Variants in MID1 observed in about 807,000 individuals in gnomAD.
MID1 encodes the protein midline 1.
A neutral mutation model predicts 40.4 loss-of-function variants in MID1; 7 were observed. The observed-to-expected ratio is 0.17, with a 90% CI of 0.10 to 0.33. MID1 has a LOEUF of 0.33. Among genes scored for constraint, MID1 ranks in the 10% least tolerant of loss-of-function variants. The pLI is 1.00. For synonymous variants in MID1, 229 were observed against 221.2 expected, an observed-to-expected ratio of 1.04 and a Z score of -0.31; for missense variants, 367 against 558.5, an observed-to-expected ratio of 0.66 and a Z score of 3.46.
intron 8 of MID1, among the ~76,000 whole-genome samples, chrX:10,456,835 T>C (rs1017596501): frequency 2.7e-5 from 3 of 110,298 alleles, no homozygotes; most frequent in African/African-American, 1.0e-4. Context: ...AGGCACTGTC[T>C]CAAAAAAATA....
intron 1 of MID1, among the ~76,000 whole-genome samples, chrX:10,772,389 A>G (rs771251752): frequency 6.8e-4 from 75 of 109,680 alleles, no homozygotes; most frequent in African/African-American, 2.5e-3. Context: ...GAATGACACA[A>G]TGGACTTTGG....
At chrX:10,512,740 A>G (rs1055390860) in intron 3 of MID1, among the ~76,000 whole-genome samples, 2 of 112,365 alleles carry the variant, frequency 1.8e-5, no homozygotes, top group Non-Finnish European at 3.8e-5. Flanking sequence ...CTCAATACCA[A>G]GCTTGCCTTG....
At chrX:10,739,151 G>A (rs1214421291) in intron 1 of MID1, among the ~76,000 whole-genome samples, 2 of 111,629 alleles carry the variant, frequency 1.8e-5, no homozygotes, top group South Asian at 3.7e-4. Flanking sequence ...TCAATTGGTT[G>A]AATAAATTTG....
At chrX:10,508,854 A>G (rs184889342) in intron 3 of MID1, among the ~76,000 whole-genome samples, 122 of 111,899 alleles carry the variant, frequency 1.1e-3, no homozygotes, top group African/African-American at 4.0e-3. Context: ...GGCCATTTGC[A>G]GAGAGCTAGC....
chrX:10,601,870 A>G (rs770272871), intron 1 of MID1, among the ~76,000 whole-genome samples: 138 of 109,158 alleles, frequency 1.3e-3, no homozygotes, highest in Non-Finnish European at 2.1e-3. Flanking sequence ...GGCGAAATGG[A>G]ATTGGAGTTT....
At chrX:10,497,962 GAC>G (rs1569069792) in intron 3 of MID1, among the ~76,000 whole-genome samples, 1 of 112,483 alleles carries the variant, frequency 8.9e-6, no homozygotes, top group African/African-American at 3.2e-5. Context: ...TCCAAGAAGA[GAC>G]AGGGCAAAAA....
At chrX:10,572,697 C>A (rs1332259199) in intron 1 of MID1, among the ~76,000 whole-genome samples, 1 of 110,889 alleles carries the variant, frequency 9.0e-6, no homozygotes, top group African/African-American at 3.3e-5. Context: ...ATCACACATG[C>A]ATATTGTTGT....
In MID1 at chrX:10,659,371, C is replaced by T. The variant is rs140941497; in HGVS notation, c.-186-38952G>A. On this transcript the variant is annotated intron_variant, in intron 1 of 10. Coordinates refer to the MID1 transcript ENST00000380785. ...TAAGGGATGGCTACTTCCCAGAAAT[C>T]AACGAAGGGGAACAGATGAGGAAAG... Among the ~76,000 whole-genome samples, 21 of 111,368 alleles carry T rather than the reference C, an allele frequency of 1.9e-4. No individual in the cohort carries two copies. In the East Asian group the frequency reaches 5.9e-3, roughly 32 times the overall value.
chrX:10,689,044 C>T (rs775838585), intron 1 of MID1, among the ~76,000 whole-genome samples: 19 of 109,056 alleles, frequency 1.7e-4, no homozygotes, highest in Non-Finnish European at 3.2e-4. Context: ...AATGTGTGCC[C>T]CATTTGACAG....
intron 1 of MID1, among the ~76,000 whole-genome samples, chrX:10,642,532 G>A (rs1936211383): frequency 9.1e-6 from 1 of 110,075 alleles, no homozygotes; most frequent in Admixed American, 9.6e-5. Context: ...ACAAATGGAA[G>A]AACATTCCAT....
chrX:10,783,929 T>G (rs746082281), intron 1 of MID1, among the ~76,000 whole-genome samples: 97 of 111,102 alleles, frequency 8.7e-4, no homozygotes, highest in Non-Finnish European at 1.8e-3. Flanking sequence ...AAGATATTCT[T>G]GCTGATATAA....
intron 1 of MID1, among the ~76,000 whole-genome samples, chrX:10,717,356 CA>C (rs1278964876): frequency 1.0e-5 from 1 of 100,465 alleles, no homozygotes; most frequent in Non-Finnish European, 2.0e-5. Flanking sequence ...GAAGATCTAC[CA>C]AGCAAATGGA....
intron 1 of MID1, among the ~76,000 whole-genome samples, chrX:10,571,086 C>T (rs538906867): frequency 8.9e-6 from 1 of 112,246 alleles, no homozygotes; most frequent in South Asian, 3.7e-4. Context: ...AGGGGCAACT[C>T]ATGTAAGAAC....
intron 1 of MID1, among the ~76,000 whole-genome samples, chrX:10,677,114 C>T (rs6654744): frequency 0.051 from 5,678 of 111,588 alleles, 234 homozygotes; most frequent in African/African-American, 0.14. Flanking sequence ...AAGCTGAAAA[C>T]AGATTGCAAA....
At chrX:10,511,533 AC>A in intron 3 of MID1, among the ~76,000 whole-genome samples, 1 of 110,963 alleles carries the variant, frequency 9.0e-6, no homozygotes, top group Middle Eastern at 4.6e-3. Flanking sequence ...ACAGGCAAGA[AC>A]CTCCACTCAC....
At chrX:10,542,067 C>T (rs999766467) in intron 2 of MID1, among the ~76,000 whole-genome samples, 1 of 112,317 alleles carries the variant, frequency 8.9e-6, no homozygotes, top group Non-Finnish European at 1.9e-5. Context: ...AAATGGTTAA[C>T]AAACCTGGAT....
intron 1 of MID1, among the ~76,000 whole-genome samples, chrX:10,720,259 G>A (rs1294321341): frequency 1.9e-4 from 21 of 111,397 alleles, no homozygotes; most frequent in African/African-American, 6.9e-4. Flanking sequence ...GAGTGAACAG[G>A]CAACCTACAG....
At chrX:10,592,702 C>T (rs1038240938) in intron 1 of MID1, among the ~76,000 whole-genome samples, 2 of 110,372 alleles carry the variant, frequency 1.8e-5, no homozygotes, top group African/African-American at 6.6e-5. Flanking sequence ...GCACCCTACC[C>T]TACTCATTTA....
At chrX:10,554,584 G>T (rs1050075132) in intron 2 of MID1, among the ~76,000 whole-genome samples, 1 of 111,753 alleles carries the variant, frequency 8.9e-6, no homozygotes, top group South Asian at 3.8e-4. Context: ...ATCAAGTCAG[G>T]GTATTTAGAA....
Sources: allele counts gnomAD v4.1 joint callset (sites outside exome capture counted in the v4.1 genomes callset), GRCh38; gene constraint gnomAD v4.1.1; transcripts MANE v1.5; gene names NCBI Gene and HGNC (gene_info 2026-07-23, HGNC 2026-07-21).